CNTNAP2: variants seen among roughly 807,000 people sequenced by gnomAD.
CNTNAP2 encodes the protein contactin-associated protein-like 2.
A neutral mutation model predicts 155.2 loss-of-function variants in CNTNAP2; 98 were observed. The ratio of observed to expected loss-of-function variants is 0.63; its 90% confidence interval spans 0.54 to 0.75. The LOEUF is 0.75. Among genes scored for constraint, CNTNAP2 ranks in the 30% least tolerant of loss-of-function variants. CNTNAP2 has a pLI of 0.00. For synonymous variants in CNTNAP2, 651 were observed against 631.2 expected, an observed-to-expected ratio of 1.03 and a Z score of -0.47; for missense variants, 1,727 against 1,688.1, an observed-to-expected ratio of 1.02 and a Z score of -0.40.
chr7:146,134,807 G>T (rs1454927160), intron 1 of CNTNAP2, among the ~76,000 whole-genome samples: 2 of 151,782 alleles, frequency 1.3e-5, no homozygotes, highest in Non-Finnish European at 2.9e-5. Context: ...GCTGGATTCG[G>T]TTTGCCAGTA....
intron 13 of CNTNAP2, among the ~76,000 whole-genome samples, chr7:147,776,626 A>C (rs1227527011): frequency 6.6e-6 from 1 of 152,144 alleles, no homozygotes; most frequent in African/African-American, 2.4e-5. Context: ...CAAGGATGAT[A>C]TTTCAAATTA....
intron 14 of CNTNAP2, among the ~76,000 whole-genome samples, chr7:147,917,743 C>T (rs7794874): frequency 0.24 from 37,190 of 151,992 alleles, 4,697 homozygotes; most frequent in Middle Eastern, 0.35. Flanking sequence ...GAGCCTCTGT[C>T]GGAAGTGTTA....
In CNTNAP2 at chr7:147,437,981, A is replaced by G. The variant is rs532586368; in HGVS notation, c.1670+42201A>G. 1.9e-4 allele frequency among the ~76,000 whole-genome samples: 29 copies of G among 152,224 alleles called. No homozygotes were observed. The South Asian group carries it at 5.4e-3, about 28-fold the overall frequency. On this transcript the variant is annotated intron_variant, in intron 10 of 23. Coordinates refer to ENST00000361727, the MANE Select transcript of CNTNAP2 (RefSeq NM_014141.6). The stretch of plus-strand genomic sequence containing the variant: ...TTGATTTTGTTTCCTGCAACTTTAC[A>G]TAATTTATCAGTTCTAATAGTTTTT...
intron 13 of CNTNAP2, among the ~76,000 whole-genome samples, chr7:147,877,882 G>A (rs1163358398): frequency 1.3e-5 from 2 of 152,164 alleles, no homozygotes; most frequent in African/African-American, 2.4e-5. Flanking sequence ...TAAATTGGCA[G>A]ACACCAGTGT....
At chr7:147,460,375 C>T (rs1363686477) in intron 10 of CNTNAP2, among the ~76,000 whole-genome samples, 1 of 152,126 alleles carries the variant, frequency 6.6e-6, no homozygotes, top group Non-Finnish European at 1.5e-5. Flanking sequence ...GTGTAAAAGG[C>T]ATCTCTTCCC....
At chr7:146,811,518 G>T (rs2129193849) in intron 2 of CNTNAP2, among the ~76,000 whole-genome samples, 1 of 151,866 alleles carries the variant, frequency 6.6e-6, no homozygotes, top group African/African-American at 2.4e-5. Flanking sequence ...TACTTTGTTA[G>T]TCTTTTTTTC....
intron 13 of CNTNAP2, among the ~76,000 whole-genome samples, chr7:147,878,917 T>C (rs532346800): frequency 7.2e-5 from 11 of 152,332 alleles, no homozygotes; most frequent in Admixed American, 7.2e-4. Flanking sequence ...TGTTAGTTAA[T>C]ATTCTTGCAC....
chr7:146,740,581 G>T (rs931837142), intron 1 of CNTNAP2, among the ~76,000 whole-genome samples: 1 of 152,114 alleles, frequency 6.6e-6, no homozygotes, highest in Non-Finnish European at 1.5e-5. Context: ...TTATAGTCTT[G>T]CTTTTTCTAG....
intron 1 of CNTNAP2, among the ~76,000 whole-genome samples, chr7:146,391,771 G>T (rs116282461): frequency 2.6e-5 from 3 of 114,674 alleles, no homozygotes; most frequent in East Asian, 3.9e-4. Flanking sequence ...TGTTGTTGTT[G>T]TTGTTGGCTA....
At chr7:147,112,019 T>G (rs1563080652) in intron 5 of CNTNAP2, among the ~76,000 whole-genome samples, 1 of 152,154 alleles carries the variant, frequency 6.6e-6, no homozygotes, top group Non-Finnish European at 1.5e-5. Context: ...ATGGAATGTT[T>G]TTCCATTTAT....
intron 13 of CNTNAP2, among the ~76,000 whole-genome samples, chr7:147,819,819 TC>T (rs147571115): frequency 0.011 from 1,742 of 152,318 alleles, 22 homozygotes; most frequent in African/African-American, 0.039. Context: ...GGTCTGACTT[TC>T]TGCATCAGAA....
intron 18 of CNTNAP2, among the ~76,000 whole-genome samples, chr7:148,173,808 A>G (rs1390023324): frequency 6.6e-6 from 1 of 152,252 alleles, no homozygotes; most frequent in Non-Finnish European, 1.5e-5. Context: ...TGCTAATTTA[A>G]TGCAGTCATT....
intron 1 of CNTNAP2, among the ~76,000 whole-genome samples, chr7:146,300,634 A>C (rs761514652): frequency 1.1e-4 from 16 of 152,142 alleles, no homozygotes; most frequent in Non-Finnish European, 2.1e-4. Context: ...ATATAGTTTC[A>C]AGTTTTCAAG....
chr7:146,225,091 G>C (rs1799270733), intron 1 of CNTNAP2, among the ~76,000 whole-genome samples: 1 of 152,092 alleles, frequency 6.6e-6, no homozygotes, highest in South Asian at 2.1e-4. Context: ...GCTTTTAAGG[G>C]GCACTTTGAA....
intron 10 of CNTNAP2, among the ~76,000 whole-genome samples, chr7:147,437,876 T>C (rs78860992): frequency 0.015 from 2,357 of 152,178 alleles, 63 homozygotes; most frequent in African/African-American, 0.054. Context: ...TTTCGTGTTT[T>C]ATACTTTTCA....
chr7:147,997,317 G>A (rs1801820799), intron 15 of CNTNAP2, among the ~76,000 whole-genome samples: 1 of 152,142 alleles, frequency 6.6e-6, no homozygotes, highest in African/African-American at 2.4e-5. Flanking sequence ...ACTTTGGGAG[G>A]CCGAGGCGGG....
intron 8 of CNTNAP2, among the ~76,000 whole-genome samples, chr7:147,286,158 C>A (rs978830617): frequency 2.6e-5 from 4 of 151,960 alleles, no homozygotes; most frequent in African/African-American, 9.7e-5. Flanking sequence ...AATGTCCTTG[C>A]CGTTTACATA....
At chr7:147,299,998 G>C in intron 8 of CNTNAP2, 143 bp from the exon 9 acceptor site, 1 of 809,786 alleles carries the variant, frequency 1.2e-6, no homozygotes, top group Admixed American at 2.4e-5. Flanking sequence ...AGAGACATGA[G>C]ACGTCAGTTT....
rs150285575 is a variant in CNTNAP2 at position 147,657,567 on chromosome 7, A to G, written c.2098+18261A>G. On this transcript the variant is annotated intron_variant, in intron 13 of 23. Coordinates refer to ENST00000361727, the MANE Select transcript of CNTNAP2 (RefSeq NM_014141.6). ...CCTGTTTCTAGTTTCACCTTAATAT[A>G]GAAACAAAGCAATTCCAGTAAGATA... is the stretch of plus-strand genomic sequence containing the variant. 6.8e-3 allele frequency among the ~76,000 whole-genome samples: 1,032 copies of G among 152,340 alleles called. 6 individuals carry two copies. The highest frequency in any genetic ancestry group is 0.01 in the Non-Finnish European group (709 of 68,034).
Sources: gnomAD v4.1 joint callset for allele counts (sites outside exome capture counted in the v4.1 genomes callset) on GRCh38, gnomAD v4.1.1 for gene constraint, MANE v1.5 for transcripts, NCBI Gene and HGNC (gene_info 2026-07-23, HGNC 2026-07-21) for gene names.